The following ACSM2B variants were observed in gnomAD, a reference collection of about 807,000 sequenced individuals.
The protein encoded by ACSM2B is acyl-coenzyme A synthetase ACSM2B, mitochondrial.
Under a neutral mutation model 78.6 loss-of-function variants are expected in ACSM2B, and 58 were observed. That is an observed-to-expected ratio of 0.74 (90% CI 0.60 to 0.92). The LOEUF is 0.92. Among genes scored for constraint, ACSM2B ranks in the 40% least tolerant of loss-of-function variants. The pLI, the probability that ACSM2B is intolerant of heterozygous loss-of-function variation, is 0.00. For synonymous variants in ACSM2B, 257 were observed against 256.8 expected (o/e 1.00, Z -0.01); for missense variants, 688 against 711.2 (o/e 0.97, Z 0.37).
At chr16:20,544,530 T>G (rs192070895) in intron 10 of ACSM2B, 411 of 947,076 alleles carry the variant, frequency 4.3e-4, no homozygotes, top group Non-Finnish European at 5.0e-4. Flanking sequence ...AAACTATTAT[T>G]ATTTGATTTA....
intron 9 of ACSM2B, among the ~76,000 whole-genome samples, chr16:20,546,067 T>C (rs1303629437): frequency 1.3e-5 from 2 of 152,204 alleles, no homozygotes; most frequent in Admixed American, 6.5e-5. Context: ...CCTATATTGT[T>C]AAATGATAAA....
intron 5 of ACSM2B, among the ~76,000 whole-genome samples, chr16:20,552,935 C>G (rs1044971230): frequency 8.5e-5 from 13 of 152,086 alleles, no homozygotes; most frequent in Non-Finnish European, 1.6e-4. Flanking sequence ...GGTCATAGTA[C>G]AAGACTTCTC....
chr16:20,541,468 T>C (rs549683396), intron 12 of ACSM2B, among the ~76,000 whole-genome samples: 1 of 152,196 alleles, frequency 6.6e-6, no homozygotes, highest in East Asian at 1.9e-4. Flanking sequence ...TCCCTTTATT[T>C]TCACTGTGAA....
chr16:20,543,291 G>T, intron 10 of ACSM2B, 29 bp from the exon 11 acceptor site: 2 of 1,608,574 alleles, frequency 1.2e-6, no homozygotes, highest in South Asian at 1.1e-5. Context: ...CAGAGTCATT[G>T]TGCCTGCAAA....
chr16:20,555,102 G>T (rs2015428843), intron 4 of ACSM2B, among the ~76,000 whole-genome samples, 167 bp downstream of exon 4: 1 of 125,744 alleles, frequency 8.0e-6, no homozygotes, highest in Non-Finnish European at 1.5e-5. Context: ...TCCTTGCAAT[G>T]ACTTGAAAAA....
At chr16:20,567,266 T>C (rs1596736606) in intron 1 of ACSM2B, among the ~76,000 whole-genome samples, 1 of 126,848 alleles carries the variant, frequency 7.9e-6, no homozygotes, top group East Asian at 2.1e-4. Context: ...TAATATATAG[T>C]ATAATATATA....
intron 1 of ACSM2B, among the ~76,000 whole-genome samples, chr16:20,573,187 T>G (rs1474541116): frequency 6.6e-6 from 1 of 151,876 alleles, no homozygotes; most frequent in African/African-American, 2.4e-5. Flanking sequence ...CCTTCTCATT[T>G]GGGTAGGCTA....
At chr16:20,566,725 C>CTATATATAG (rs2015889694) in intron 1 of ACSM2B, among the ~76,000 whole-genome samples, 3 of 22,208 alleles carry the variant, frequency 1.4e-4, no homozygotes, top group Non-Finnish European at 2.1e-4. Flanking sequence ...ATAGTATATA[C>CTATATATAG]TATATATAGT....
At chr16:20,564,507 T>C (rs553189971) in intron 2 of ACSM2B, among the ~76,000 whole-genome samples, 162 bp downstream of exon 2, 9 of 152,294 alleles carry the variant, frequency 5.9e-5, no homozygotes, top group East Asian at 1.9e-4. Flanking sequence ...TGCTGTCTCT[T>C]TCCCATACCA....
At chr16:20,564,623 A>T in intron 2 of ACSM2B, 46 bp downstream of exon 2, 1 of 1,595,146 alleles carries the variant, frequency 6.3e-7, no homozygotes, top group South Asian at 1.1e-5. Context: ...GAATTTTAAA[A>T]GTCAACAAAA....
chr16:20,566,953 T>G (rs958355318), intron 1 of ACSM2B, among the ~76,000 whole-genome samples: 2 of 109,202 alleles, frequency 1.8e-5, no homozygotes, highest in Non-Finnish European at 3.3e-5. Flanking sequence ...TTATATATCA[T>G]ATATATTATA....
Position 20,555,253 on chromosome 16 carries a change from A to G in ACSM2B, c.596+16T>C. On this transcript the variant is annotated intron_variant, in intron 4 of 13. Coordinates refer to ENST00000329697, the MANE Select transcript of ACSM2B (RefSeq NM_001105069.2). Reference sequence around the variant, plus strand: ...AGTTTTAGTTAAAACCCAGGATGAGACATGTAGATACTCACTTTAGTAGTT... The same window carrying G: ...AGTTTTAGTTAAAACCCAGGATGAGGCATGTAGATACTCACTTTAGTAGTT... 1 of 1,613,914 alleles carries G rather than the reference A, an allele frequency of 6.2e-7. No homozygotes were observed. The highest frequency in any genetic ancestry group is 1.1e-5 in the South Asian group (1 of 91,054).
intron 2 of ACSM2B, among the ~76,000 whole-genome samples, chr16:20,559,721 AT>A (rs61486304): frequency 0.17 from 25,760 of 150,536 alleles, 6,235 homozygotes; most frequent in African/African-American, 0.51. Flanking sequence ...AGCATGCATA[AT>A]TTTTTTATAA....
At chr16:20,544,357 A>G (rs1188637053) in intron 10 of ACSM2B, among the ~76,000 whole-genome samples, 1 of 152,194 alleles carries the variant, frequency 6.6e-6, no homozygotes, top group Non-Finnish European at 1.5e-5. Context: ...CACGCTATAC[A>G]TAGTAGAGCA....
At chr16:20,566,263 A>G (rs1407824179) in intron 1 of ACSM2B, among the ~76,000 whole-genome samples, 1 of 128,708 alleles carries the variant, frequency 7.8e-6, no homozygotes, top group South Asian at 2.3e-4. Flanking sequence ...ATATATATAT[A>G]TATATATATA....
chr16:20,539,399 A>ATT (rs201793829), intron 13 of ACSM2B, among the ~76,000 whole-genome samples: 19 of 81,910 alleles, frequency 2.3e-4, no homozygotes, highest in Middle Eastern at 5.3e-3. Context: ...CCTAGACTCA[A>ATT]TTTTTTTTCT....
rs752366153 is a variant in ACSM2B, at chr16:20,540,714, G to A, written c.1569C>T (p.Leu523=). The A allele has an allele frequency of 2.5e-6, 4 of 1,614,000 alleles. No homozygotes were observed. In the African/African-American group the frequency reaches 5.3e-5, roughly 22 times the overall value. ...TCACATGCTGCTGCAGCTCCTTGGTGAGCTGTTCTGGGTCATGGGATAGGA... is the reference window on the plus strand; with the variant it reads ...TCACATGCTGCTGCAGCTCCTTGGTAAGCTGTTCTGGGTCATGGGATAGGA... ...SQFLSHDPEQ[L]TKELQQHVKS... Residue 523 remains leucine (L), a synonymous_variant, in exon 13 of 14, where the codon CTC becomes CTT. Transcript: ENST00000329697.
chr16:20,561,808 C>T (rs1443046083), intron 2 of ACSM2B, among the ~76,000 whole-genome samples: 3 of 151,498 alleles, frequency 2.0e-5, no homozygotes, highest in Non-Finnish European at 4.4e-5. Flanking sequence ...TGGTGTGCTG[C>T]ACCGCTTAAC....
chr16:20,553,734 C>T (rs369396695), intron 5 of ACSM2B, 43 bp downstream of exon 5: 3 of 1,596,256 alleles, frequency 1.9e-6, no homozygotes, highest in Admixed American at 1.7e-5. Context: ...CGTCTTCATG[C>T]CTGGTCATGC....
Sources: allele counts gnomAD v4.1 joint callset (sites outside exome capture counted in the v4.1 genomes callset), GRCh38; gene constraint gnomAD v4.1.1; transcripts MANE v1.5; gene names NCBI Gene and HGNC (gene_info 2026-07-23, HGNC 2026-07-21).